FOXP2: variants seen among roughly 807,000 people sequenced by gnomAD.
The protein encoded by FOXP2 is forkhead box protein P2.
In FOXP2, 12 loss-of-function variants were observed where a neutral mutation model predicts 115.8. That is an observed-to-expected ratio of 0.10 (90% CI 0.07 to 0.17). The LOEUF is 0.17. Among genes scored for constraint, FOXP2 ranks in the 10% least tolerant of loss-of-function variants. The pLI is 1.00. For missense variants in FOXP2, 629 were observed against 843.5 expected (o/e 0.75, Z 3.15); for synonymous variants, 328 against 297.7 (o/e 1.10, Z -1.05).
chr7:114,552,109 A>T (rs1800238009), intron 3 of FOXP2, among the ~76,000 whole-genome samples: 1 of 152,222 alleles, frequency 6.6e-6, no homozygotes, highest in Non-Finnish European at 1.5e-5. Flanking sequence ...TTCATGAGGG[A>T]TCATCAAGCC....
chr7:114,342,012 T>A (rs1447911505), intron 2 of FOXP2, among the ~76,000 whole-genome samples: 1 of 151,350 alleles, frequency 6.6e-6, no homozygotes, highest in Non-Finnish European at 1.5e-5. Flanking sequence ...TGCACCTCGA[T>A]AAAATGGGTA....
At chr7:114,541,298 T>A (rs563844105) in intron 3 of FOXP2, among the ~76,000 whole-genome samples, 2 of 151,912 alleles carry the variant, frequency 1.3e-5, no homozygotes, top group Admixed American at 6.6e-5. Context: ...AAAAGGTAAT[T>A]TGAAAAGAGG....
intron 1 of FOXP2, among the ~76,000 whole-genome samples, chr7:114,140,360 T>G (rs925015635): frequency 4.6e-5 from 7 of 152,032 alleles, no homozygotes; most frequent in African/African-American, 1.4e-4. Context: ...TAGAAAAAAA[T>G]GTGTTCTGTC....
rs554138028 is a variant in FOXP2 at position 114,294,206 on chromosome 7, A to G, written c.-11+6097A>G. Among the ~76,000 whole-genome samples the G allele has an allele frequency of 1.2e-4, 18 of 152,298 alleles. No individual in the cohort carries two copies. The South Asian group carries it at 2.7e-3, about 23-fold the overall frequency. The stretch of plus-strand genomic sequence containing the variant: ...AATATCTTGCCCATTGATCATATCA[A>G]TGTTGGAGAGTTGTGCTTACTCATG... On this transcript the variant is annotated intron_variant, in intron 2 of 17. Coordinates refer to the FOXP2 transcript ENST00000634411.
chr7:114,100,533 T>G (rs1799755215), intron 1 of FOXP2, among the ~76,000 whole-genome samples: 1 of 152,158 alleles, frequency 6.6e-6, no homozygotes, highest in Non-Finnish European at 1.5e-5. Flanking sequence ...TCCATTAAAT[T>G]TTTGTTTTTT....
chr7:114,194,677 C>T (rs557041121), intron 1 of FOXP2, among the ~76,000 whole-genome samples: 25 of 151,942 alleles, frequency 1.6e-4, no homozygotes, highest in African/African-American at 5.3e-4. Context: ...TTAATTAAAG[C>T]CTGAATAATT....
At chr7:114,509,826 A>G (rs1797986733) in intron 2 of FOXP2, among the ~76,000 whole-genome samples, 1 of 152,078 alleles carries the variant, frequency 6.6e-6, no homozygotes. Context: ...AGTTGTCAGC[A>G]TATAGATGCT....
At chr7:114,167,949 A>C (rs956236096) in intron 1 of FOXP2, among the ~76,000 whole-genome samples, 2 of 151,594 alleles carry the variant, frequency 1.3e-5, no homozygotes, top group African/African-American at 4.8e-5. Flanking sequence ...AAAAAAAAAA[A>C]AAAAACACGA....
intron 1 of FOXP2, among the ~76,000 whole-genome samples, chr7:114,255,150 G>C (rs970313412): frequency 4.6e-5 from 7 of 152,142 alleles, no homozygotes; most frequent in South Asian, 2.1e-4. Context: ...TTTTCCTCTA[G>C]AAGCCTGGTC....
intron 1 of FOXP2, among the ~76,000 whole-genome samples, chr7:114,176,174 CTCTTTTCTTG>C (rs1239093891): frequency 2.9e-4 from 39 of 136,492 alleles, no homozygotes; most frequent in East Asian, 2.1e-4. Context: ...GGTTTGATTT[CTCTTTTCTTG>C]TCTTGTCTTG....
intron 2 of FOXP2, among the ~76,000 whole-genome samples, chr7:114,294,172 G>C (rs1383339596): frequency 2.0e-5 from 3 of 152,188 alleles, no homozygotes; most frequent in Non-Finnish European, 4.4e-5. Flanking sequence ...ACATGCAGAA[G>C]CTGCTTTTAA....
chr7:114,576,562 A>G (rs1033154125), intron 3 of FOXP2, among the ~76,000 whole-genome samples: 1 of 151,898 alleles, frequency 6.6e-6, no homozygotes. Flanking sequence ...TGAAAGGATT[A>G]TTTATTTAGT....
intron 2 of FOXP2, among the ~76,000 whole-genome samples, chr7:114,506,463 T>C (rs900193257): frequency 5.9e-5 from 9 of 151,606 alleles, no homozygotes; most frequent in Admixed American, 1.3e-4. Flanking sequence ...ATATTAGTAC[T>C]ACCAAAATGT....
intron 1 of FOXP2, among the ~76,000 whole-genome samples, chr7:114,284,739 C>T (rs1470933126): frequency 6.6e-6 from 1 of 152,090 alleles, no homozygotes. Context: ...ATTGTTCTGT[C>T]GTAAAGACAC....
chr7:114,387,580 A>G (rs779375170), intron 2 of FOXP2, among the ~76,000 whole-genome samples: 11 of 152,188 alleles, frequency 7.2e-5, no homozygotes, highest in Admixed American at 3.3e-4. Flanking sequence ...AACGTGTCTA[A>G]CAGCCAAAAT....
chr7:114,153,771 C>G (rs1032310823), intron 1 of FOXP2, among the ~76,000 whole-genome samples: 5 of 152,060 alleles, frequency 3.3e-5, no homozygotes, highest in African/African-American at 9.7e-5. Flanking sequence ...CTTTTCACAG[C>G]AGTATTAAAT....
At chr7:114,445,629 A>G (rs1440756804) in intron 2 of FOXP2, among the ~76,000 whole-genome samples, 1 of 152,178 alleles carries the variant, frequency 6.6e-6, no homozygotes, top group African/African-American at 2.4e-5. Context: ...TGAAAGAAAA[A>G]TTGCAGATTA....
chr7:114,101,672 AT>A (rs74409469), intron 1 of FOXP2, among the ~76,000 whole-genome samples: 30,974 of 151,886 alleles, frequency 0.2, 4,014 homozygotes, highest in Middle Eastern at 0.31. Context: ...ACCTAAAAAA[AT>A]AAGAGAACAT....
intron 1 of FOXP2, among the ~76,000 whole-genome samples, chr7:114,157,439 C>T (rs1792700907): frequency 6.6e-6 from 1 of 151,828 alleles, no homozygotes; most frequent in South Asian, 2.1e-4. Context: ...TAGAGACATG[C>T]TAAGTGGAGC....
Sources: allele counts gnomAD v4.1 joint callset (sites outside exome capture counted in the v4.1 genomes callset), GRCh38; gene constraint gnomAD v4.1.1; transcripts MANE v1.5; gene names NCBI Gene and HGNC (gene_info 2026-07-23, HGNC 2026-07-21).